DOCK9: variants seen among roughly 807,000 people sequenced by gnomAD.
DOCK9 encodes the protein dedicator of cytokinesis protein 9.
In DOCK9, 89 loss-of-function variants were observed where a neutral mutation model predicts 263.3. That is an observed-to-expected ratio of 0.34 (90% CI 0.28 to 0.40). The LOEUF is 0.40. Ranked by LOEUF, DOCK9 falls within the 10% of genes least tolerant of loss-of-function variation. The pLI is 1.00. For synonymous variants in DOCK9, 976 were observed against 973.1 expected (o/e 1.00, Z -0.06); for missense variants, 2,140 against 2,603.4 (o/e 0.82, Z 3.87).
At chr13:99,051,913 A>G (rs1268712871) in intron 1 of DOCK9, among the ~76,000 whole-genome samples, 3 of 151,218 alleles carry the variant, frequency 2.0e-5, no homozygotes, top group African/African-American at 7.3e-5. Flanking sequence ...CCTCATAACA[A>G]ATTTGTTCAC....
Position 98,992,402 on chromosome 13 carries a change from C to G in DOCK9, c.130-36851G>C, listed in dbSNP as rs142799311. Among the ~76,000 whole-genome samples, 23 of 152,268 alleles carry G rather than the reference C, an allele frequency of 1.5e-4. No homozygotes were observed. In the South Asian group the frequency reaches 1.7e-3, roughly 11 times the overall value. On this transcript the variant is annotated intron_variant, in intron 1 of 32. Transcript: ENST00000427887. ...CCTCCTCGGAGCTACCATGAGCCTC[C>G]CCTCCCAGCTTCCCTTCAGTTGGGT...
intron 27 of DOCK9, among the ~76,000 whole-genome samples, chr13:98,874,391 G>A (rs2094272982): frequency 2.0e-5 from 3 of 152,312 alleles, no homozygotes; most frequent in African/African-American, 4.8e-5. Context: ...CCATTTACCA[G>A]CTGATGGTCA....
intron 1 of DOCK9, among the ~76,000 whole-genome samples, chr13:99,036,280 G>A (rs1029462034): frequency 6.6e-6 from 1 of 152,098 alleles, no homozygotes; most frequent in Non-Finnish European, 1.5e-5. Context: ...GTATTTGGAG[G>A]TGGGAACTTT....
At chr13:98,799,095 T>C (rs2089799422) in intron 50 of DOCK9, among the ~76,000 whole-genome samples, 2 of 152,238 alleles carry the variant, frequency 1.3e-5, no homozygotes, top group Admixed American at 1.3e-4. Flanking sequence ...CTAACTTATT[T>C]TGGCACATAT....
intron 1 of DOCK9, among the ~76,000 whole-genome samples, chr13:98,993,682 A>G (rs1160280162): frequency 6.6e-6 from 1 of 152,242 alleles, no homozygotes; most frequent in Non-Finnish European, 1.5e-5. Context: ...CGGAGCTTGC[A>G]GTAAGCTGAG....
chr13:98,812,261 A>C (rs573569648), intron 45 of DOCK9, among the ~76,000 whole-genome samples: 9 of 149,368 alleles, frequency 6.0e-5, no homozygotes, highest in African/African-American at 2.0e-4. Context: ...AGTGCTGCCA[A>C]GCACCTTAGA....
rs532587870 is a variant in DOCK9 at position 99,037,686 on chromosome 13, T to C, written c.129+48537A>G. 7.2e-5 allele frequency among the ~76,000 whole-genome samples: 11 copies of C among 152,356 alleles called. No individual in the cohort carries two copies. The South Asian group carries it at 2.3e-3, about 32-fold the overall frequency. On this transcript the variant is annotated intron_variant, in intron 1 of 32. Transcript: ENST00000427887. Reference sequence around the variant, plus strand: ...ACACAAATATTCATGGCAACTTTATTGGTAATAACCAAAAACTGGAATAAA... The same window carrying C: ...ACACAAATATTCATGGCAACTTTATCGGTAATAACCAAAAACTGGAATAAA...
chr13:99,049,783 G>A (rs2040603164), intron 1 of DOCK9, among the ~76,000 whole-genome samples: 2 of 152,200 alleles, frequency 1.3e-5, no homozygotes, highest in Admixed American at 1.3e-4. Flanking sequence ...CTCCTAAAGT[G>A]TTGGGATTAC....
intron 45 of DOCK9, among the ~76,000 whole-genome samples, chr13:98,811,280 A>C (rs771242152): frequency 6.6e-6 from 1 of 152,122 alleles, no homozygotes; most frequent in Non-Finnish European, 1.5e-5. Flanking sequence ...GCTTTGGTAA[A>C]GTGTCTATTC....
chr13:98,851,523 C>T (rs181505332), intron 35 of DOCK9, among the ~76,000 whole-genome samples: 8 of 152,318 alleles, frequency 5.3e-5, no homozygotes, highest in Admixed American at 2.0e-4. Context: ...TGGGCAATGA[C>T]GCTGCCATTC....
intron 1 of DOCK9, among the ~76,000 whole-genome samples, chr13:99,065,614 G>A (rs887311300): frequency 8.5e-5 from 13 of 152,108 alleles, no homozygotes; most frequent in African/African-American, 2.2e-4. Flanking sequence ...GTGCTCCTAC[G>A]GGTCCCTCTA....
At chr13:98,802,035 C>T (rs773198087) in intron 49 of DOCK9, among the ~76,000 whole-genome samples, 4 of 152,172 alleles carry the variant, frequency 2.6e-5, no homozygotes, top group Non-Finnish European at 5.9e-5. Context: ...GACTCGGCCT[C>T]GCTGCTCCCT....
chr13:98,998,148 G>A (rs1256534002), intron 1 of DOCK9, among the ~76,000 whole-genome samples: 2 of 152,184 alleles, frequency 1.3e-5, no homozygotes, highest in South Asian at 2.1e-4. Context: ...AGGTGGGGCC[G>A]GGATAGACAG....
intron 30 of DOCK9, among the ~76,000 whole-genome samples, chr13:98,863,931 GA>G (rs755739530): frequency 2.8e-4 from 42 of 152,154 alleles, no homozygotes; most frequent in Non-Finnish European, 4.1e-4. Context: ...CTAGCTAACA[GA>G]ACTGTATAAG....
intron 1 of DOCK9, among the ~76,000 whole-genome samples, chr13:98,958,304 T>C (rs1018881876): frequency 1.3e-5 from 2 of 152,160 alleles, no homozygotes; most frequent in Non-Finnish European, 2.9e-5. Flanking sequence ...GCCCACCAGC[T>C]CCAGCCCACG....
intron 2 of DOCK9, chr13:98,950,465 T>A: frequency 1.8e-6 from 1 of 562,870 alleles, no homozygotes; most frequent in Non-Finnish European, 3.1e-6. Flanking sequence ...GTATCTAATA[T>A]TTTTTAAATT....
intron 1 of DOCK9, among the ~76,000 whole-genome samples, chr13:99,003,678 C>A (rs1449253190): frequency 6.6e-6 from 1 of 151,940 alleles, no homozygotes; most frequent in African/African-American, 2.4e-5. Context: ...TATTTAACTG[C>A]CAAATCTCTC....
At chr13:98,932,404 CAACAAACAAACAAACA>C (rs147642560) in intron 2 of DOCK9, among the ~76,000 whole-genome samples, 2 of 150,700 alleles carry the variant, frequency 1.3e-5, no homozygotes, top group African/African-American at 2.4e-5. Context: ...CAAAAAACAA[CAACAAACAAACAAACA>C]AACAAACAAA....
At chr13:98,848,232 C>G (rs1048136518) in intron 37 of DOCK9, among the ~76,000 whole-genome samples, 3 of 151,970 alleles carry the variant, frequency 2.0e-5, no homozygotes, top group African/African-American at 7.3e-5. Context: ...GAAAGTCAAA[C>G]AGAGGAAGAG....
Sources: gnomAD v4.1 joint callset for allele counts (sites outside exome capture counted in the v4.1 genomes callset) on GRCh38, gnomAD v4.1.1 for gene constraint, MANE v1.5 for transcripts, NCBI Gene and HGNC (gene_info 2026-07-23, HGNC 2026-07-21) for gene names.